GRIK4: variants seen among roughly 807,000 people sequenced by gnomAD.
The protein encoded by GRIK4 is glutamate ionotropic receptor kainate type subunit 4, also known as glutamate receptor ionotropic, kainate 4.
Under a neutral mutation model 104.9 loss-of-function variants are expected in GRIK4, and 40 were observed. The ratio of observed to expected loss-of-function variants is 0.38; its 90% CI spans 0.30 to 0.50. The LOEUF is 0.50. Ranked by LOEUF, GRIK4 falls within the 20% of genes least tolerant of loss-of-function variation. GRIK4 has a pLI of 0.93. For missense variants in GRIK4, 1,047 were observed against 1,308.1 expected, an observed-to-expected ratio of 0.80 and a Z score of 3.08; for synonymous variants, 485 against 524.9, an observed-to-expected ratio of 0.92 and a Z score of 1.04.
At chr11:120,921,326 A>T (rs1486398304) in intron 13 of GRIK4, among the ~76,000 whole-genome samples, 1 of 152,196 alleles carries the variant, frequency 6.6e-6, no homozygotes, top group East Asian at 1.9e-4. Context: ...AGGCTCTGGC[A>T]TATAGCACTC....
chr11:120,773,962 C>T (rs1361305294), intron 3 of GRIK4, among the ~76,000 whole-genome samples: 1 of 152,158 alleles, frequency 6.6e-6, no homozygotes, highest in African/African-American at 2.4e-5. Context: ...ACAAAGGATT[C>T]CCACAGAAAA....
At chr11:120,551,517 G>A (rs1033148544) in intron 1 of GRIK4, among the ~76,000 whole-genome samples, 1 of 152,138 alleles carries the variant, frequency 6.6e-6, no homozygotes. Context: ...ATGGTGGCTT[G>A]TGCCTGCAAT....
chr11:120,905,509 G>A lies in GRIK4; in HGVS notation c.1476+16G>A, dbSNP rs1391987037. The A allele has an allele frequency of 3.5e-6, 3 of 852,560 alleles. No homozygotes were observed. Among genetic ancestry groups the A allele is most frequent in the Non-Finnish European group, 5.4e-6 (3 of 557,720 alleles). The allele number at this position is 852,560 out of a possible 1,614,324, so 52.8% of individuals were successfully genotyped here. A position where few individuals can be genotyped will look rare whatever the true frequency, so the allele number is the denominator to read the frequency against. On this transcript the variant is annotated intron_variant, in intron 13 of 20. Coordinates refer to ENST00000527524, the MANE Select transcript of GRIK4 (RefSeq NM_014619.5). The surrounding 1 kb of genome is among the most constrained non-coding windows in gnomAD (Gnocchi z 5.1). ...GATCGCTAGGGTAAGGAGAGGACAA[G>A]TGATCTGGGCCTGAGGGTGGGCTGG...
chr11:120,708,853 AC>A (rs917750221), intron 3 of GRIK4, among the ~76,000 whole-genome samples: 23 of 150,470 alleles, frequency 1.5e-4, no homozygotes, highest in Admixed American at 4.6e-4. Context: ...CCCACCTCTT[AC>A]CCCCTCCCGT....
chr11:120,856,077 C>T (rs541233177), intron 8 of GRIK4, among the ~76,000 whole-genome samples: 4 of 152,338 alleles, frequency 2.6e-5, no homozygotes, highest in Admixed American at 2.6e-4. Flanking sequence ...ATGGATTGCA[C>T]TTGGACAGAA....
In GRIK4 at chr11:120,903,103, T is replaced by C. The variant is rs1371887813; in HGVS notation, c.1273-2187T>C. Among the ~76,000 whole-genome samples, 5 of 152,062 alleles carry C rather than the reference T, an allele frequency of 3.3e-5. No individual in the cohort carries two copies. The stretch of plus-strand genomic sequence containing the variant: ...TCCTTCTCAGAACGAGCTCAGCCCA[T>C]CAGGATTTCAGTGCTTTCCTCTCTG... On this transcript the variant is annotated intron_variant, in intron 12 of 20. Transcript: ENST00000527524. This position sits in a 1 kb window ranked among gnomAD's most constrained non-coding sequence, Gnocchi z 4.4.
chr11:120,927,106 G>A (rs1242435783), intron 13 of GRIK4, among the ~76,000 whole-genome samples: 1 of 152,170 alleles, frequency 6.6e-6, no homozygotes, highest in Admixed American at 6.5e-5. Context: ...TCAGGATGGG[G>A]GTTAGCATGA....
At chr11:120,527,381 G>GAGCA (rs1947868837) in intron 1 of GRIK4, among the ~76,000 whole-genome samples, 2 of 152,216 alleles carry the variant, frequency 1.3e-5, no homozygotes, top group Admixed American at 6.5e-5. Context: ...GGGGACCCCG[G>GAGCA]AGCAGATGGT....
intron 3 of GRIK4, among the ~76,000 whole-genome samples, chr11:120,709,491 T>G (rs1483298262): frequency 1.3e-5 from 2 of 152,180 alleles, no homozygotes; most frequent in Non-Finnish European, 2.9e-5. Context: ...TACTGCAGTT[T>G]TGGAGTTACT....
chr11:120,875,592 G>A (rs1954762459), intron 11 of GRIK4, among the ~76,000 whole-genome samples: 1 of 152,178 alleles, frequency 6.6e-6, no homozygotes, highest in Non-Finnish European at 1.5e-5. Context: ...TGGCAAGGCA[G>A]AGACTGTATC....
At chr11:120,744,480 A>G (rs1951402769) in intron 3 of GRIK4, among the ~76,000 whole-genome samples, 1 of 152,184 alleles carries the variant, frequency 6.6e-6, no homozygotes, top group Non-Finnish European at 1.5e-5. Context: ...TGCGTACAAG[A>G]AGGACAACAG....
chr11:120,943,042 C>T (rs2134652646), intron 14 of GRIK4, among the ~76,000 whole-genome samples: 1 of 151,788 alleles, frequency 6.6e-6, no homozygotes, highest in South Asian at 2.1e-4. Context: ...CCCCACAATC[C>T]TGTGAGCCAA....
intron 8 of GRIK4, chr11:120,858,397 A>G (rs967265287): frequency 1.3e-5 from 2 of 152,336 alleles, no homozygotes; most frequent in South Asian, 4.2e-4. Flanking sequence ...ATAGATGTAG[A>G]GTAGCATTTC....
chr11:120,895,172 G>C (rs966398444), intron 11 of GRIK4, among the ~76,000 whole-genome samples: 1 of 152,084 alleles, frequency 6.6e-6, no homozygotes, highest in Non-Finnish European at 1.5e-5. Context: ...GGGAGTCTGG[G>C]GCCGGGGCTT....
At chr11:120,559,686 G>T (rs1349528955) in intron 1 of GRIK4, among the ~76,000 whole-genome samples, 1 of 152,122 alleles carries the variant, frequency 6.6e-6, no homozygotes. Context: ...CACTTCTGGG[G>T]CAAGTAGGTG....
intron 3 of GRIK4, among the ~76,000 whole-genome samples, chr11:120,694,131 G>A (rs930584612): frequency 3.3e-5 from 5 of 152,190 alleles, no homozygotes; most frequent in Non-Finnish European, 7.3e-5. Flanking sequence ...GTAGACAGCT[G>A]GATGCATAGG....
Position 120,940,199 on chromosome 11 carries a change from T to A in GRIK4, c.1477-148T>A, listed in dbSNP as rs972317980. The A allele has an allele frequency of 1.3e-5, 8 of 606,292 alleles. No individual in the cohort carries two copies. The highest frequency in any genetic ancestry group is 6.1e-5 in the Admixed American group (2 of 32,978). 37.6% of individuals were successfully genotyped at this position (606,292 alleles called of 1,614,324 possible). A position where few individuals can be genotyped will look rare whatever the true frequency, so the allele number is the denominator to read the frequency against. The stretch of plus-strand genomic sequence containing the variant: ...ACTTTTATGAGTGATCATTCAGATC[T>A]GTATGCAGTGTTGACTTAGAGCCAC... On this transcript the variant is annotated intron_variant, in intron 13 of 20. Coordinates refer to ENST00000527524, the MANE Select transcript of GRIK4 (RefSeq NM_014619.5). The surrounding 1 kb of genome is among the most constrained non-coding windows in gnomAD (Gnocchi z 4.3).
intron 1 of GRIK4, among the ~76,000 whole-genome samples, chr11:120,579,511 A>G (rs1014030912): frequency 1.3e-5 from 2 of 152,216 alleles, no homozygotes; most frequent in African/African-American, 4.8e-5. Flanking sequence ...CAGGGAAGGA[A>G]TTTGGATTTT....
At chr11:120,954,804 CACACACACACACACACACACACACACAA>C (rs1474621902) in intron 15 of GRIK4, among the ~76,000 whole-genome samples, 580 of 54,658 alleles carry the variant, frequency 0.011, 7 homozygotes, top group African/African-American at 0.033. Flanking sequence ...CACACACACA[CACACACACACACACACACACACACACAA>C]ACAATACTGG....
Sources: gnomAD v4.1 joint callset for allele counts (sites outside exome capture counted in the v4.1 genomes callset) on GRCh38, gnomAD v4.1.1 for gene constraint, Gnocchi (gnomAD v3.1) non-coding constraint, MANE v1.5 for transcripts, NCBI Gene and HGNC (gene_info 2026-07-23, HGNC 2026-07-21) for gene names.